Variants in PEX39 observed in about 807,000 individuals in gnomAD.
The protein encoded by PEX39 is peroxin-39.
At chr6:42,890,480 AC>A in the PEX39 span, 1 of 1,505,724 alleles carries the variant, frequency 6.6e-7, no homozygotes, top group South Asian at 1.4e-5. Flanking sequence ...AGGACCTGGA[AC>A]CTCAGGGGCC....
the PEX39 span, chr6:42,890,692 C>G: frequency 6.2e-7 from 1 of 1,612,650 alleles, no homozygotes; most frequent in Non-Finnish European, 8.5e-7. Flanking sequence ...CCCGGGAGTT[C>G]CTGGCCCTGC....
At chr6:42,890,525 C>T in the PEX39 span, 5 of 1,570,920 alleles carry the variant, frequency 3.2e-6, no homozygotes, top group South Asian at 2.3e-5. Context: ...CAGTCGCTGC[C>T]TCAACCAAGC....
At chr6:42,890,576 G>C in the PEX39 span, 2 of 1,610,126 alleles carry the variant, frequency 1.2e-6, no homozygotes, top group African/African-American at 2.7e-5. Context: ...GGGTCGGAGG[G>C]GGAAGGGACT....
the PEX39 span, chr6:42,890,553 G>A: frequency 1.3e-6 from 2 of 1,597,058 alleles, no homozygotes; most frequent in African/African-American, 2.7e-5. Context: ...CGCCGGGGCC[G>A]TTCCTATCCT....
At chr6:42,890,644 G>A in the PEX39 span, 1 of 1,612,712 alleles carries the variant, frequency 6.2e-7, no homozygotes, top group Non-Finnish European at 8.5e-7. Context: ...GACGCTGTGG[G>A]TTCGCCGTGG....
At chr6:42,890,660 C>T in the PEX39 span, 127 of 1,612,718 alleles carry the variant, frequency 7.9e-5, no homozygotes, top group Non-Finnish European at 6.9e-5. Context: ...CGTGGATCGC[C>T]GCGATGTGGC....
the PEX39 span, chr6:42,890,747 A>G: frequency 6.2e-7 from 1 of 1,607,846 alleles, no homozygotes; most frequent in Non-Finnish European, 8.5e-7. Context: ...AAGCTGAGGC[A>G]GAGGCCGGGG....
the PEX39 span, chr6:42,890,265 T>G: frequency 2.5e-6 from 1 of 405,554 alleles, no homozygotes; most frequent in African/African-American, 2.1e-5. Context: ...TGGGGCCAAG[T>G]TACATCATAA....
At chr6:42,890,376 T>C in the PEX39 span, 1 of 1,092,228 alleles carries the variant, frequency 9.2e-7, no homozygotes. Context: ...CAGGAGCAAG[T>C]CTAGTTGAGA....
chr6:42,890,641 T>A, the PEX39 span: 1 of 1,612,744 alleles, frequency 6.2e-7, no homozygotes, highest in Non-Finnish European at 8.5e-7. Flanking sequence ...CGGGACGCTG[T>A]GGGTTCGCCG....
At chr6:42,890,570 C>A in the PEX39 span, 26 of 1,608,042 alleles carry the variant, frequency 1.6e-5, no homozygotes, top group African/African-American at 2.7e-5. Flanking sequence ...TCCTGAGGGT[C>A]GGAGGGGGAA....
chr6:42,890,799 G>C, the PEX39 span: 1 of 1,560,780 alleles, frequency 6.4e-7, no homozygotes, highest in Non-Finnish European at 8.7e-7. Flanking sequence ...GTCGGGTCGC[G>C]AATCCTGACC....
At chr6:42,890,810 G>T in the PEX39 span, 6 of 1,552,450 alleles carry the variant, frequency 3.9e-6, no homozygotes, top group African/African-American at 8.2e-5. Flanking sequence ...AATCCTGACC[G>T]GCGTGTAATG....
At chr6:42,890,523 G>A in the PEX39 span, 7 of 1,569,494 alleles carry the variant, frequency 4.5e-6, no homozygotes, top group South Asian at 3.5e-5. Flanking sequence ...CGCAGTCGCT[G>A]CCTCAACCAA....
At chr6:42,890,426 G>A in the PEX39 span, 1 of 1,457,616 alleles carries the variant, frequency 6.9e-7, no homozygotes, top group South Asian at 1.5e-5. Flanking sequence ...TAACTGAATG[G>A]CATCCCGGGT....
At chr6:42,890,535 C>A in the PEX39 span, 1 of 1,580,030 alleles carries the variant, frequency 6.3e-7, no homozygotes, top group Admixed American at 1.8e-5. Context: ...CTCAACCAAG[C>A]CAGGCTCCGC....
At chr6:42,890,604 TC>T in the PEX39 span, 1 of 1,612,004 alleles carries the variant, frequency 6.2e-7, no homozygotes, top group Non-Finnish European at 8.5e-7. Flanking sequence ...AGCCGCGGCC[TC>T]CCAGGGCTTG....
At chr6:42,890,584 A>C in the PEX39 span, 1 of 1,611,176 alleles carries the variant, frequency 6.2e-7, no homozygotes, top group Non-Finnish European at 8.5e-7. Flanking sequence ...GGGGGAAGGG[A>C]CTCAGCCAAA....
chr6:42,890,745 G>C, the PEX39 span: 1 of 1,608,180 alleles, frequency 6.2e-7, no homozygotes, highest in Non-Finnish European at 8.5e-7. Flanking sequence ...CGAAGCTGAG[G>C]CAGAGGCCGG....
Sources: gnomAD v4.1 joint callset for allele counts on GRCh38, gnomAD v4.1.1 for gene constraint, MANE v1.5 for transcripts, NCBI Gene and HGNC (gene_info 2026-07-23, HGNC 2026-07-21) for gene names.